Variants in ELOVL2 observed in about 807,000 individuals in gnomAD.
The protein encoded by ELOVL2 is very long chain fatty acid elongase 2.
ELOVL2 carries 38 observed loss-of-function variants against 37.7 expected under a neutral mutation model. The observed-to-expected ratio is 1.01, with a 90% confidence interval of 0.78 to 1.32. The LOEUF (loss-of-function observed/expected upper bound fraction) is 1.32, where lower values mean the gene tolerates loss of function less well. Among genes scored for constraint, ELOVL2 ranks in the 40% most tolerant of loss-of-function variants. The pLI is 0.00. For synonymous variants in ELOVL2, 115 were observed against 122.3 expected, an observed-to-expected ratio of 0.94 and a Z score of 0.40; for missense variants, 352 against 363.6, an observed-to-expected ratio of 0.97 and a Z score of 0.26.
At chr6:11,041,797 A>T (rs891959197) in intron 1 of ELOVL2, among the ~76,000 whole-genome samples, 4 of 152,218 alleles carry the variant, frequency 2.6e-5, no homozygotes, top group African/African-American at 9.7e-5. Flanking sequence ...CTAATTTTTA[A>T]AAAACCAATG....
Position 11,044,146 on chromosome 6 carries a change from TC to T in ELOVL2, c.3+81del. The T allele has an allele frequency of 7.2e-7, 1 of 1,382,336 alleles. No homozygotes were observed. Among genetic ancestry groups the T allele is most frequent in the South Asian group, 1.5e-5 (1 of 65,918 alleles). 85.6% of individuals were successfully genotyped at this position (1,382,336 alleles called of 1,614,324 possible). A position where few individuals can be genotyped will look rare whatever the true frequency, so the allele number is the denominator to read the frequency against. On this transcript the variant is annotated intron_variant, in intron 1 of 7. Coordinates refer to ENST00000354666, the MANE Select transcript of ELOVL2 (RefSeq NM_017770.4). The surrounding 1 kb of genome is among the most constrained non-coding windows in gnomAD (Gnocchi z 5.6). The stretch of plus-strand genomic sequence containing the variant: ...CCGCAGCGCCCGCGCCGGCGCCCGC[TC>T]GGCCCTTTCCCGCCCGGTGCGTGGG...
chr6:10,990,518 T>C, intron 5 of ELOVL2, 76 bp from the exon 6 acceptor site: 2 of 1,397,278 alleles, frequency 1.4e-6, no homozygotes, highest in Non-Finnish European at 1.9e-6. Flanking sequence ...TGAGATTCTC[T>C]CTCTGCATGG....
intron 1 of ELOVL2, among the ~76,000 whole-genome samples, chr6:11,016,647 G>A (rs1001797336): frequency 3.9e-5 from 6 of 152,164 alleles, no homozygotes; most frequent in African/African-American, 7.2e-5. Context: ...GGGCAAGGGA[G>A]ACAGACTAGA....
At chr6:10,992,961 G>C (rs902290293) in intron 5 of ELOVL2, among the ~76,000 whole-genome samples, 2 of 152,110 alleles carry the variant, frequency 1.3e-5, no homozygotes, top group East Asian at 3.9e-4. Flanking sequence ...AGGAAGCTGA[G>C]GGGGGAGGAT....
chr6:10,983,900 G>T lies in ELOVL2; in HGVS notation c.772C>A (p.Arg258=), dbSNP rs191521211. Residue 258 remains arginine (R), a synonymous_variant, in exon 8 of 8, where the codon CGA becomes AGA. Transcript: ENST00000354666. ...LFLNFYVQTY[R]KKPMKKDMQE... ...ATATCTTTCTTCATTGGCTTTTTTC[G>T]GTATGTCTGTTGGATGTGTATATTT... The T allele has an allele frequency of 1.2e-6, 2 of 1,610,530 alleles. No individual in the cohort carries two copies. The highest frequency in any genetic ancestry group is 1.3e-5 in the African/African-American group (1 of 74,616).
chr6:11,019,163 A>T (rs1471052198), intron 1 of ELOVL2, among the ~76,000 whole-genome samples: 1 of 152,222 alleles, frequency 6.6e-6, no homozygotes, highest in Non-Finnish European at 1.5e-5. Context: ...TACTGCTGAA[A>T]TCAAGTCTTA....
intron 2 of ELOVL2, among the ~76,000 whole-genome samples, chr6:11,008,117 T>G (rs1420363329): frequency 6.6e-6 from 1 of 152,116 alleles, no homozygotes; most frequent in Non-Finnish European, 1.5e-5. Context: ...AGAGGTTTAT[T>G]CGGTGATGTG....
chr6:10,989,613 T>C lies in ELOVL2; in HGVS notation c.765+90A>G, dbSNP rs567974020. 1.6e-4 allele frequency: 210 copies of C among 1,337,334 alleles called. 3 individuals are homozygous for C. In the South Asian group the frequency reaches 2.6e-3, roughly 17 times the overall value. The allele number at this position is 1,337,334 out of a possible 1,614,324, so 82.8% of individuals were successfully genotyped here. On this transcript the variant is annotated intron_variant, in intron 7 of 7. Coordinates refer to ENST00000354666, the MANE Select transcript of ELOVL2 (RefSeq NM_017770.4). ...GAGATCATGCCACTGCACTCCAGCC[T>C]GGGCAATAAGAGCGAAACTCTGTCT...
intron 3 of ELOVL2, among the ~76,000 whole-genome samples, chr6:11,002,362 T>C (rs1472230722): frequency 1.3e-5 from 2 of 152,210 alleles, no homozygotes; most frequent in Admixed American, 1.3e-4. Context: ...TAATAATTAT[T>C]GCGGTGATTT....
At chr6:11,012,625 C>G (rs1782603291) in intron 1 of ELOVL2, among the ~76,000 whole-genome samples, 1 of 152,040 alleles carries the variant, frequency 6.6e-6, no homozygotes, top group South Asian at 2.1e-4. Context: ...TCACAAAGCC[C>G]GTATTATTTC....
intron 3 of ELOVL2, among the ~76,000 whole-genome samples, 174 bp from the exon 4 acceptor site, chr6:11,000,338 C>A (rs1581865701): frequency 6.6e-6 from 1 of 152,134 alleles, no homozygotes; most frequent in East Asian, 1.9e-4. Flanking sequence ...GACTTATTTC[C>A]TGCTGTTGAA....
At chr6:11,037,264 A>T (rs900498522) in intron 1 of ELOVL2, among the ~76,000 whole-genome samples, 1 of 150,904 alleles carries the variant, frequency 6.6e-6, no homozygotes, top group South Asian at 2.1e-4. Context: ...GAGAGACGGC[A>T]TGAGTTAACT....
intron 2 of ELOVL2, among the ~76,000 whole-genome samples, chr6:11,009,473 G>A (rs745641162): frequency 2.6e-5 from 4 of 152,130 alleles, no homozygotes; most frequent in African/African-American, 2.4e-5. Context: ...TGCAGAAAGC[G>A]AAACTGCTGC....
chr6:11,016,315 A>G (rs1782684988), intron 1 of ELOVL2, among the ~76,000 whole-genome samples: 1 of 152,190 alleles, frequency 6.6e-6, no homozygotes, highest in Non-Finnish European at 1.5e-5. Flanking sequence ...GAACATTTTA[A>G]AGACACATTC....
At chr6:11,019,466 G>A (rs1004729993) in intron 1 of ELOVL2, among the ~76,000 whole-genome samples, 27 of 152,346 alleles carry the variant, frequency 1.8e-4, no homozygotes, top group African/African-American at 6.3e-4. Flanking sequence ...AAGAAAATCA[G>A]AGTGCAATCA....
intron 2 of ELOVL2, among the ~76,000 whole-genome samples, chr6:11,005,966 C>A (rs540176277): frequency 2.9e-4 from 44 of 152,138 alleles, no homozygotes; most frequent in Non-Finnish European, 5.6e-4. Context: ...GTCGGCAGTA[C>A]AGTCAGGATT....
chr6:11,027,471 C>T (rs570275950), intron 1 of ELOVL2, among the ~76,000 whole-genome samples: 1 of 152,182 alleles, frequency 6.6e-6, no homozygotes, highest in Non-Finnish European at 1.5e-5. Flanking sequence ...ACTGGAAAGA[C>T]TTCTTACTAC....
In ELOVL2 at chr6:11,002,498, G is replaced by A. The variant is rs1782404950; in HGVS notation, c.256-2334C>T. Among the ~76,000 whole-genome samples, 6 of 152,306 alleles carry A rather than the reference G, an allele frequency of 3.9e-5. No homozygotes were observed. In the South Asian group the frequency reaches 1.2e-3, roughly 32 times the overall value. On this transcript the variant is annotated intron_variant, in intron 3 of 7. Coordinates refer to ENST00000354666, the MANE Select transcript of ELOVL2 (RefSeq NM_017770.4). ...AGAAGACCTTTTGCCTGCTCTGAAAGAGGTCACAATCAAAGAGAGGAGACT... is the reference window on the plus strand; with the variant it reads ...AGAAGACCTTTTGCCTGCTCTGAAAAAGGTCACAATCAAAGAGAGGAGACT...
chr6:11,043,737 G>A (rs1783152592), intron 1 of ELOVL2: 1 of 155,166 alleles, frequency 6.4e-6, no homozygotes, highest in Non-Finnish European at 1.4e-5. Context: ...GTTAGGGCCC[G>A]AACCCCAGAA....
Sources: allele counts gnomAD v4.1 joint callset (sites outside exome capture counted in the v4.1 genomes callset), GRCh38; gene constraint gnomAD v4.1.1; non-coding constraint Gnocchi (gnomAD v3.1); transcripts MANE v1.5; gene names NCBI Gene and HGNC (gene_info 2026-07-23, HGNC 2026-07-21).